The following BCL7A variants were observed in gnomAD, a reference collection of about 807,000 sequenced individuals.
BCL7A encodes BAF chromatin remodeling complex subunit BCL7A.
A neutral mutation model predicts 28.4 loss-of-function variants in BCL7A; 11 were observed. That is an observed-to-expected ratio of 0.39 (90% CI 0.24 to 0.64). The LOEUF (loss-of-function observed/expected upper bound fraction) is 0.64. BCL7A is among the 30% of genes least tolerant of loss of function. BCL7A has a pLI of 0.50. For synonymous variants in BCL7A, 123 were observed against 103.3 expected, an observed-to-expected ratio of 1.19 and a Z score of -1.15; for missense variants, 222 against 274.8, an observed-to-expected ratio of 0.81 and a Z score of 1.36.
intron 2 of BCL7A, among the ~76,000 whole-genome samples, chr12:122,033,486 G>A (rs1354096217): frequency 1.3e-5 from 2 of 151,994 alleles, no homozygotes; most frequent in African/African-American, 4.8e-5. Flanking sequence ...GCTAATTTTT[G>A]TATTTTTAAT....
intron 5 of BCL7A, among the ~76,000 whole-genome samples, chr12:122,055,348 C>T (rs1245498912): frequency 1.3e-5 from 2 of 152,212 alleles, no homozygotes; most frequent in Admixed American, 6.5e-5. Flanking sequence ...ACTTGCACTG[C>T]ATGGGCCCCT....
intron 2 of BCL7A, 36 bp from the exon 3 acceptor site, chr12:122,035,295 C>G (rs1449776504): frequency 6.3e-7 from 1 of 1,578,882 alleles, no homozygotes; most frequent in Non-Finnish European, 8.7e-7. Flanking sequence ...CACACATGAT[C>G]TGGTGACTTG....
intron 3 of BCL7A, 113 bp downstream of exon 3, chr12:122,035,540 G>GAC (rs1344991461): frequency 1.0e-6 from 1 of 975,442 alleles, no homozygotes; most frequent in East Asian, 2.6e-5. Context: ...CAAGGGGTAG[G>GAC]AGGGCTGGGC....
In BCL7A at chr12:122,022,118, G is replaced by A; in HGVS notation, c.27G>A (p.Glu9=). 1 of 1,586,122 alleles carries A rather than the reference G, an allele frequency of 6.3e-7. No individual in the cohort carries two copies. The highest frequency in any genetic ancestry group is 8.6e-7 in the Non-Finnish European group (1 of 1,165,032). MSGRSVRA[E]TRSRAKDDIK... is the part of the protein sequence containing the mutation. ...TGTCGGGCAGGTCGGTTCGAGCCGA[G>A]ACGAGGAGCCGGGCCAAAGATGATA... Residue 9 remains glutamate (E), a synonymous_variant, in exon 1 of 6, where the codon GAG becomes GAA. Coordinates refer to ENST00000261822, the MANE Select transcript of BCL7A (RefSeq NM_001024808.3).
intron 4 of BCL7A, among the ~76,000 whole-genome samples, chr12:122,046,219 G>A (rs1593032435): frequency 1.3e-5 from 2 of 152,094 alleles, no homozygotes. Flanking sequence ...GGTGAGTGCG[G>A]ACCTGAGGGC....
At chr12:122,037,522 C>G (rs957832339) in intron 3 of BCL7A, among the ~76,000 whole-genome samples, 1 of 152,124 alleles carries the variant, frequency 6.6e-6, no homozygotes, top group African/African-American at 2.4e-5. Flanking sequence ...GGTTTCTGAA[C>G]GGGCTTTAGA....
At chr12:122,048,694 G>A (rs1188053821) in intron 4 of BCL7A, among the ~76,000 whole-genome samples, 1 of 151,640 alleles carries the variant, frequency 6.6e-6, no homozygotes, top group African/African-American at 2.4e-5. Flanking sequence ...GACCAGCCTG[G>A]GCAACATGGT....
intron 1 of BCL7A, among the ~76,000 whole-genome samples, chr12:122,028,416 T>C (rs1883674169): frequency 6.6e-6 from 1 of 152,152 alleles, no homozygotes; most frequent in Non-Finnish European, 1.5e-5. Context: ...CAATTACTTT[T>C]TTTTTTTTTT....
intron 4 of BCL7A, among the ~76,000 whole-genome samples, chr12:122,054,084 T>G (rs1015161563): frequency 6.6e-6 from 1 of 152,164 alleles, no homozygotes; most frequent in Non-Finnish European, 1.5e-5. Context: ...AAAAATACCC[T>G]TATTATTGTT....
At chr12:122,045,118 C>T (rs566188142) in intron 4 of BCL7A, among the ~76,000 whole-genome samples, 12 of 152,244 alleles carry the variant, frequency 7.9e-5, no homozygotes, top group East Asian at 3.9e-4. Context: ...CGGTGGCTCA[C>T]GCCTGTAATC....
At chr12:122,058,994 C>A in intron 5 of BCL7A, 98 bp from the exon 6 acceptor site, 1 of 1,059,824 alleles carries the variant, frequency 9.4e-7, no homozygotes, top group South Asian at 1.3e-5. Flanking sequence ...AAGCCGCCCC[C>A]GCTCGGTTCC....
chr12:122,053,547 G>A (rs1032880333), intron 4 of BCL7A, among the ~76,000 whole-genome samples: 1 of 152,178 alleles, frequency 6.6e-6, no homozygotes, highest in African/African-American at 2.4e-5. Flanking sequence ...TTCGTTTCGT[G>A]TGTGCTTTTT....
At position 122,060,672 on chromosome 12, in the gene BCL7A, T is replaced by C. The variant is rs1217851949; in HGVS notation, c.*1509T>C. ...GGTGGGGTCATGGGTTTTGTTGTTTTTGGGGGCTAATTGGTGCATATTCAG... is the reference window on the plus strand; with the variant it reads ...GGTGGGGTCATGGGTTTTGTTGTTTCTGGGGGCTAATTGGTGCATATTCAG... On this transcript the variant is annotated 3_prime_UTR_variant, in exon 6 of 6. Transcript: ENST00000261822. The C allele has an allele frequency of 4.3e-6, 1 of 233,162 alleles. No individual in the cohort carries two copies. The highest frequency in any genetic ancestry group is 8.5e-6 in the Non-Finnish European group (1 of 117,916). 14.4% of individuals were successfully genotyped at this position (233,162 alleles called of 1,614,324 possible).
chr12:122,054,763 A>C (rs773101110), intron 4 of BCL7A, 42 bp from the exon 5 acceptor site: 48 of 1,596,666 alleles, frequency 3.0e-5, no homozygotes, highest in Non-Finnish European at 3.7e-5. Flanking sequence ...CCCGCCTCTC[A>C]CGTGTCTGAA....
At chr12:122,055,448 G>A (rs1210247897) in intron 5 of BCL7A, among the ~76,000 whole-genome samples, 2 of 152,214 alleles carry the variant, frequency 1.3e-5, no homozygotes, top group African/African-American at 4.8e-5. Flanking sequence ...ACCTCCCAGA[G>A]TCGGGCCCAA....
rs1047005779 is a variant in BCL7A, at chr12:122,059,805, G to A, written c.*642G>A. The A allele has an allele frequency of 2.2e-5, 5 of 231,932 alleles. No homozygotes were observed. Among genetic ancestry groups the A allele is most frequent in the Non-Finnish European group, 4.3e-5 (5 of 117,320 alleles). The allele number at this position is 231,932 out of a possible 1,614,324, so 14.4% of individuals were successfully genotyped here. On this transcript the variant is annotated 3_prime_UTR_variant, in exon 6 of 6. Transcript: ENST00000261822. The surrounding 1 kb of genome is among the most constrained non-coding windows in gnomAD (Gnocchi z 4.0). Reference sequence around the variant, plus strand: ...GACCTTAGGCACGCCCCAAGCACCAGGCACCAGGGCCCAAGGACGCGCAGG... The same window carrying A: ...GACCTTAGGCACGCCCCAAGCACCAAGCACCAGGGCCCAAGGACGCGCAGG...
Position 122,054,787 on chromosome 12 carries a change from G to C in BCL7A, c.440-18G>C. 1 of 1,609,834 alleles carries C rather than the reference G, an allele frequency of 6.2e-7. No homozygotes were observed. Among genetic ancestry groups the C allele is most frequent in the East Asian group, 2.2e-5 (1 of 44,762 alleles). ...CACGTGTCTGAAAACAGCTCCTGTC[G>C]TCTTGCTCTTCCCTCAGATGCTTCT... On this transcript the variant is annotated intron_variant, in intron 4 of 5. Transcript: ENST00000261822.
chr12:122,030,836 C>G (rs963498308), intron 2 of BCL7A, 55 bp downstream of exon 2: 64 of 1,530,044 alleles, frequency 4.2e-5, no homozygotes, highest in Middle Eastern at 1.7e-4. Context: ...GCTCCTCCCA[C>G]CATGGGGAGG....
intron 2 of BCL7A, 118 bp from the exon 3 acceptor site, chr12:122,035,213 G>C: frequency 4.5e-6 from 4 of 886,406 alleles, no homozygotes; most frequent in Non-Finnish European, 7.1e-6. Context: ...CCAGAGGCCT[G>C]GGGGCTCCAG....
Sources: gnomAD v4.1 joint callset for allele counts (sites outside exome capture counted in the v4.1 genomes callset) on GRCh38, gnomAD v4.1.1 for gene constraint, Gnocchi (gnomAD v3.1) non-coding constraint, MANE v1.5 for transcripts, NCBI Gene and HGNC (gene_info 2026-07-23, HGNC 2026-07-21) for gene names.